RXRA: variants seen among roughly 807,000 people sequenced by gnomAD.
The protein encoded by RXRA is retinoid X receptor alpha, also known as retinoic acid receptor RXR-alpha.
A neutral mutation model predicts 44.5 loss-of-function variants in RXRA; 5 were observed. That is an observed-to-expected ratio of 0.11 (90% confidence interval 0.06 to 0.24). RXRA has a LOEUF of 0.24. RXRA is among the 10% of genes least tolerant of loss of function. RXRA has a pLI of 1.00. For synonymous variants in RXRA, 291 were observed against 271.4 expected (o/e 1.07, Z -0.71); for missense variants, 412 against 646.5 (o/e 0.64, Z 3.93).
intron 6 of RXRA, 115 bp from the exon 7 acceptor site, chr9:134,428,993 C>A: frequency 7.7e-7 from 1 of 1,298,138 alleles, no homozygotes; most frequent in Non-Finnish European, 1.1e-6. Flanking sequence ...GGTTCCAGAG[C>A]CTGTCAGGAT....
intron 1 of RXRA, among the ~76,000 whole-genome samples, chr9:134,361,982 C>G (rs1564269894): frequency 6.6e-6 from 1 of 152,194 alleles, no homozygotes; most frequent in Non-Finnish European, 1.5e-5. Context: ...GGGCTCCGGT[C>G]CTCCCCTCCT....
rs745429422 is a variant in RXRA, at chr9:134,417,059, G to A, written c.611-99G>A. 7.7e-7 allele frequency: 1 copy of A among 1,296,258 alleles called. No homozygotes were observed. Among genetic ancestry groups the A allele is most frequent in the Non-Finnish European group, 1.1e-6 (1 of 946,894 alleles). The allele number at this position is 1,296,258 out of a possible 1,614,324, so 80.3% of individuals were successfully genotyped here. On this transcript the variant is annotated intron_variant, in intron 4 of 9. Transcript: ENST00000481739. The surrounding 1 kb of genome is among the most constrained non-coding windows in gnomAD (Gnocchi z 6.1). ...TGGTGGGGATGCTGGTGTTGTGGGTGAGTTGGCTGGGAGCTGGCACCACCC... is the reference window on the plus strand; with the variant it reads ...TGGTGGGGATGCTGGTGTTGTGGGTAAGTTGGCTGGGAGCTGGCACCACCC...
At chr9:134,326,694 G>A in intron 1 of RXRA, 35 bp downstream of exon 1, 2 of 663,254 alleles carry the variant, frequency 3.0e-6, no homozygotes, top group Non-Finnish European at 3.7e-6. Flanking sequence ...GGACGGGGCC[G>A]GGGGCCGGGG....
At position 134,416,279 on chromosome 9, in the gene RXRA, G is replaced by T. The variant is rs991498870; in HGVS notation, c.611-879G>T. Among the ~76,000 whole-genome samples the T allele has an allele frequency of 9.2e-5, 14 of 152,308 alleles. No individual in the cohort carries two copies. The East Asian group carries it at 1.4e-3, about 15-fold the overall frequency. ...GCTGGGGGCGGGAGGAGCCTCATGC[G>T]CCTGGGCAGCCAGGGCTCATGCCTC... On this transcript the variant is annotated intron_variant, in intron 4 of 9. Coordinates refer to ENST00000481739, the MANE Select transcript of RXRA (RefSeq NM_002957.6).
intron 1 of RXRA, among the ~76,000 whole-genome samples, chr9:134,377,647 A>T (rs1830578291): frequency 6.6e-6 from 1 of 152,206 alleles, no homozygotes; most frequent in Non-Finnish European, 1.5e-5. Flanking sequence ...GGCCTTTATG[A>T]AAACAGAGGT....
intron 1 of RXRA, among the ~76,000 whole-genome samples, chr9:134,338,989 T>G (rs978239435): frequency 1.3e-5 from 2 of 152,256 alleles, no homozygotes; most frequent in South Asian, 4.1e-4. Context: ...GTCTGCCTCC[T>G]GCTGTGGATG....
intron 1 of RXRA, among the ~76,000 whole-genome samples, chr9:134,386,216 G>A (rs1041512132): frequency 1.3e-5 from 2 of 152,246 alleles, no homozygotes; most frequent in Non-Finnish European, 2.9e-5. Context: ...TGCCCGCTCA[G>A]CCGCCGCGCT....
At chr9:134,387,194 C>T (rs1259183324) in intron 1 of RXRA, among the ~76,000 whole-genome samples, 1 of 152,254 alleles carries the variant, frequency 6.6e-6, no homozygotes, top group East Asian at 1.9e-4. Flanking sequence ...AGCCGGCTCC[C>T]GGCCGCTCCG....
At chr9:134,398,623 C>G (rs1830915240) in intron 1 of RXRA, among the ~76,000 whole-genome samples, 1 of 152,152 alleles carries the variant, frequency 6.6e-6, no homozygotes, top group Admixed American at 6.5e-5. Flanking sequence ...GAAGGCTGTC[C>G]CAGAAACCCT....
chr9:134,377,952 G>A (rs1376122435), intron 1 of RXRA, among the ~76,000 whole-genome samples: 2 of 152,246 alleles, frequency 1.3e-5, no homozygotes, highest in South Asian at 2.1e-4. Context: ...GGTGTGTGCG[G>A]AAGGGCCGAG....
intron 1 of RXRA, among the ~76,000 whole-genome samples, chr9:134,396,703 C>T (rs1258306387): frequency 3.3e-5 from 5 of 152,190 alleles, no homozygotes; most frequent in Middle Eastern, 3.2e-3. Flanking sequence ...CACCGTGGAG[C>T]CCACGGGACC....
chr9:134,359,625 G>A (rs1588263126), intron 1 of RXRA, among the ~76,000 whole-genome samples: 2 of 152,306 alleles, frequency 1.3e-5, no homozygotes, highest in East Asian at 1.9e-4. Flanking sequence ...ACCCCCTGCG[G>A]ATCAGCCACC....
chr9:134,378,350 G>GGCCAGCACCTGTGT (rs1554752285), intron 1 of RXRA, among the ~76,000 whole-genome samples: 1 of 151,380 alleles, frequency 6.6e-6, no homozygotes, highest in Non-Finnish European at 1.5e-5. Context: ...CGTGTGTGCC[G>GGCCAGCACCTGTGT]GCCAGCGCCT....
At chr9:134,373,711 C>A (rs1830518107) in intron 1 of RXRA, among the ~76,000 whole-genome samples, 2 of 151,892 alleles carry the variant, frequency 1.3e-5, no homozygotes, top group South Asian at 2.1e-4. Flanking sequence ...CCACAGGAAG[C>A]CCCCCTTGAT....
At chr9:134,385,454 G>A (rs1016549521) in intron 1 of RXRA, among the ~76,000 whole-genome samples, 8 of 152,144 alleles carry the variant, frequency 5.3e-5, no homozygotes, top group South Asian at 2.1e-4. Context: ...GCTCCATTCC[G>A]GCCCCTGCCT....
At chr9:134,425,627 C>T in intron 6 of RXRA, 4 of 983,074 alleles carry the variant, frequency 4.1e-6, no homozygotes, top group Non-Finnish European at 4.8e-6. Flanking sequence ...GAGGGAGGGG[C>T]CAGGCTTAGG....
chr9:134,424,633 C>G (rs1588305448), intron 6 of RXRA: 1 of 985,446 alleles, frequency 1.0e-6, no homozygotes. Context: ...CAGGTGGTCT[C>G]CCCAAGCCCC....
intron 1 of RXRA, among the ~76,000 whole-genome samples, chr9:134,348,189 G>C (rs1588256217): frequency 6.6e-6 from 1 of 152,182 alleles, no homozygotes; most frequent in African/African-American, 2.4e-5. Context: ...GGTCATGCAG[G>C]ACCCCTGGCA....
chr9:134,425,216 T>C (rs1263516234), intron 6 of RXRA: 43 of 985,192 alleles, frequency 4.4e-5, no homozygotes, highest in Admixed American at 6.1e-5. Flanking sequence ...GAGGTTGATG[T>C]CACACGTGTC....
Sources: gnomAD v4.1 joint callset for allele counts (sites outside exome capture counted in the v4.1 genomes callset) on GRCh38, gnomAD v4.1.1 for gene constraint, Gnocchi (gnomAD v3.1) non-coding constraint, MANE v1.5 for transcripts, NCBI Gene and HGNC (gene_info 2026-07-23, HGNC 2026-07-21) for gene names.